The following BEND2 variants were observed in gnomAD, a reference collection of about 807,000 sequenced individuals.
The protein encoded by BEND2 is BEN domain containing 2.
A neutral mutation model predicts 43.8 loss-of-function variants in BEND2; 19 were observed. The observed-to-expected ratio is 0.43, with a 90% CI of 0.30 to 0.64. The LOEUF is 0.64. Ranked by LOEUF, BEND2 falls within the 30% of genes least tolerant of loss-of-function variation. The pLI, the probability that BEND2 is intolerant of heterozygous loss-of-function variation, is 0.11. For missense variants in BEND2, 544 were observed against 574.0 expected (o/e 0.95, Z 0.53); for synonymous variants, 226 against 210.1 (o/e 1.08, Z -0.66).
intron 9 of BEND2, 64 bp from the exon 10 acceptor site, chrX:18,177,833 C>T (rs758236495): frequency 2.7e-5 from 25 of 927,365 alleles, no homozygotes; most frequent in Non-Finnish European, 3.7e-5. Context: ...CCTCAAAGTA[C>T]ACAAGAGAAT....
At chrX:18,172,353 A>G (rs956942468) in intron 12 of BEND2, among the ~76,000 whole-genome samples, 1 of 111,003 alleles carries the variant, frequency 9.0e-6, no homozygotes. Context: ...TTAACCTGGT[A>G]ATTCAATTTC....
intron 10 of BEND2, among the ~76,000 whole-genome samples, chrX:18,177,231 AC>A (rs1924197901): frequency 6.8e-5 from 2 of 29,411 alleles, no homozygotes; most frequent in African/African-American, 1.4e-4. Flanking sequence ...CCCCCACCCC[AC>A]CACCTTCTGG....
chrX:18,189,830 T>G (rs953296317), intron 8 of BEND2, among the ~76,000 whole-genome samples: 2 of 110,679 alleles, frequency 1.8e-5, no homozygotes, highest in Admixed American at 1.9e-4. Context: ...GGGCAGATCA[T>G]GAGGTCAGGA....
chrX:18,201,745 A>T, intron 6 of BEND2, 70 bp downstream of exon 6: 1 of 1,095,255 alleles, frequency 9.1e-7, no homozygotes, highest in African/African-American at 1.9e-5. Context: ...CACCCGCCTC[A>T]CCCTCCCAAA....
chrX:18,216,020 T>C (rs1925663632), intron 2 of BEND2, among the ~76,000 whole-genome samples: 1 of 111,603 alleles, frequency 9.0e-6, no homozygotes, highest in Non-Finnish European at 1.9e-5. Context: ...AATTTCAAAT[T>C]CCAATTGTTT....
chrX:18,185,344 C>T (rs963857330), intron 8 of BEND2, among the ~76,000 whole-genome samples: 10 of 108,041 alleles, frequency 9.3e-5, no homozygotes, highest in African/African-American at 2.7e-4. Context: ...GCCTGAGCAA[C>T]GTGACGAACC....
intron 8 of BEND2, among the ~76,000 whole-genome samples, chrX:18,187,868 T>C (rs1419593802): frequency 9.0e-6 from 1 of 111,335 alleles, no homozygotes; most frequent in Non-Finnish European, 1.9e-5. Flanking sequence ...AATGAGGAAT[T>C]TGGGAAACTA....
intron 4 of BEND2, among the ~76,000 whole-genome samples, chrX:18,212,092 CTTTT>C (rs758303697): frequency 4.2e-5 from 3 of 71,047 alleles, no homozygotes; most frequent in South Asian, 7.8e-4. Context: ...TTATTACTGT[CTTTT>C]TTTTTTTTTT....
Position 18,171,223 on chromosome X carries a change from G to A in BEND2, c.1982-19C>T, listed in dbSNP as rs767611733. 5.9e-6 allele frequency: 7 copies of A among 1,179,650 alleles called. No homozygotes were observed. The Middle Eastern group carries it at 9.3e-4, about 157-fold the overall frequency. On this transcript the variant is annotated intron_variant, in intron 12 of 13. Coordinates refer to ENST00000380033, the MANE Select transcript of BEND2 (RefSeq NM_153346.5). Reference sequence around the variant, plus strand: ...AAATAGCCTAGAAGCAAAAAAGAAAGATGTCAATTTTCATAGCAAATGTTA... The same window carrying A: ...AAATAGCCTAGAAGCAAAAAAGAAAAATGTCAATTTTCATAGCAAATGTTA...
In BEND2 at chrX:18,220,756, G is replaced by T; in HGVS notation, c.-6C>A. 8.3e-7 allele frequency: 1 copy of T among 1,208,693 alleles called. No individual in the cohort carries two copies. The highest frequency in any genetic ancestry group is 1.1e-6 in the Non-Finnish European group (1 of 893,719). On this transcript the variant is annotated 5_prime_UTR_variant, in exon 1 of 14. Coordinates refer to ENST00000380033, the MANE Select transcript of BEND2 (RefSeq NM_153346.5). ...TCCTGGGTCCTCTCTGACATCGTGA[G>T]ATGGCGGGGTCTGGCTCTGAGGCCC...
At chrX:18,176,747 C>G (rs1011750496) in intron 10 of BEND2, among the ~76,000 whole-genome samples, 2 of 111,086 alleles carry the variant, frequency 1.8e-5, no homozygotes, top group Non-Finnish European at 3.8e-5. Flanking sequence ...ATTTAATAAC[C>G]CAATGGATAA....
intron 4 of BEND2, among the ~76,000 whole-genome samples, chrX:18,212,245 C>A (rs1263659021): frequency 9.1e-6 from 1 of 109,418 alleles, no homozygotes; most frequent in Admixed American, 9.8e-5. Flanking sequence ...CAGGCATGCA[C>A]CACCACGCCA....
rs147163578 is a variant in BEND2 at position 18,189,801 on chromosome X, A to G, written c.1288+1200T>C. 2.3e-3 allele frequency among the ~76,000 whole-genome samples: 259 copies of G among 111,348 alleles called. 1 individual carries two copies. Among genetic ancestry groups the G allele is most frequent in the African/African-American group, 7.7e-3 (238 of 30,710 alleles). On this transcript the variant is annotated intron_variant, in intron 8 of 13. Coordinates refer to ENST00000380033, the MANE Select transcript of BEND2 (RefSeq NM_153346.5). ...CTCAATGAAATATTACCATATACCT[A>G]TCAGAATGGCTAAGTGCTGGGCAGA...
chrX:18,199,909 T>C (rs758627364), intron 6 of BEND2, among the ~76,000 whole-genome samples: 76 of 111,771 alleles, frequency 6.8e-4, no homozygotes, highest in African/African-American at 2.0e-3. Flanking sequence ...GTGGAGAAAC[T>C]GGATCACTCA....
chrX:18,217,018 G>T (rs1193174650), intron 1 of BEND2, among the ~76,000 whole-genome samples: 2 of 112,258 alleles, frequency 1.8e-5, no homozygotes, highest in Non-Finnish European at 3.8e-5. Flanking sequence ...AAGAAATGTG[G>T]CCAGCTGGCC....
intron 7 of BEND2, among the ~76,000 whole-genome samples, chrX:18,194,072 T>C (rs914561033): frequency 5.4e-5 from 6 of 111,658 alleles, no homozygotes; most frequent in African/African-American, 9.8e-5. Flanking sequence ...ACAGAAAAGA[T>C]ACTATAAGAG....
Position 18,176,105 on chromosome X carries a change from A to G in BEND2, c.1631-12T>C. The G allele has an allele frequency of 8.5e-7, 1 of 1,174,918 alleles. No homozygotes were observed. The highest frequency in any genetic ancestry group is 1.8e-5 in the African/African-American group (1 of 55,463). On this transcript the variant is annotated splice_polypyrimidine_tract_variant and intron_variant, in intron 10 of 13. Transcript: ENST00000380033. ...TGTTGCCAGATATTCTGCAAACAGC[A>G]GAAAGTATTCACGAAAATTAGAAAA...
chrX:18,177,639 A>C lies in BEND2; in HGVS notation c.1560T>G (p.Ile520Met), dbSNP rs1217378687. ...VRILFSKEIL[I>M]SSSVDIHLKD... The stretch of plus-strand genomic sequence containing the variant: ...TCAAATGGATATCCACTGAGCTGCT[A>C]ATCAGGATTTCCTTGGAGAACAAAA... The change falls in exon 10 of 14, where the codon ATT becomes ATG. Residue 520 changes from isoleucine to methionine, a missense_variant. Around this residue, in one of 2 missense-constraint regions of BEND2, gnomAD observed 501 missense variants for 501.6 expected, o/e 1.00. Coordinates refer to ENST00000380033, the MANE Select transcript of BEND2 (RefSeq NM_153346.5). The C allele has an allele frequency of 1.7e-6, 2 of 1,209,286 alleles. No homozygotes were observed. Among genetic ancestry groups the C allele is most frequent in the South Asian group, 1.8e-5 (1 of 56,720 alleles).
At chrX:18,211,386 A>T (rs1305246575) in intron 4 of BEND2, among the ~76,000 whole-genome samples, 5 of 112,048 alleles carry the variant, frequency 4.5e-5, no homozygotes, top group Non-Finnish European at 9.4e-5. Flanking sequence ...GTATTTACCC[A>T]AATTAAATGC....
Sources: allele counts gnomAD v4.1 joint callset (sites outside exome capture counted in the v4.1 genomes callset), GRCh38; gene constraint gnomAD v4.1.1; regional missense constraint gnomAD v4.1.1; transcripts MANE v1.5; gene names NCBI Gene and HGNC (gene_info 2026-07-23, HGNC 2026-07-21).